Variants in ATAD2B observed in about 807,000 individuals in gnomAD.
The protein encoded by ATAD2B is ATPase family AAA domain-containing protein 2B.
Under a neutral mutation model 167.6 loss-of-function variants are expected in ATAD2B, and 40 were observed. The ratio of observed to expected loss-of-function variants is 0.24; its 90% CI spans 0.19 to 0.31. The LOEUF is 0.31. Among genes scored for constraint, ATAD2B ranks in the 10% least tolerant of loss-of-function variants. ATAD2B has a pLI of 1.00. For synonymous variants in ATAD2B, 579 were observed against 596.5 expected, an observed-to-expected ratio of 0.97 and a Z score of 0.43; for missense variants, 1,242 against 1,757.2, an observed-to-expected ratio of 0.71 and a Z score of 5.24.
At chr2:23,856,969 G>A (rs1293869786) in intron 13 of ATAD2B, among the ~76,000 whole-genome samples, 1 of 152,100 alleles carries the variant, frequency 6.6e-6, no homozygotes, top group East Asian at 1.9e-4. Context: ...GGCACTTTGG[G>A]AGGCTGACTG....
At chr2:23,924,017 A>C (rs4665247) in intron 1 of ATAD2B, among the ~76,000 whole-genome samples, 111,777 of 151,914 alleles carry the variant, frequency 0.74, 41,509 homozygotes, top group East Asian at 0.85. Flanking sequence ...CCCGTCTCTA[A>C]TAAAAATACA....
intron 17 of ATAD2B, among the ~76,000 whole-genome samples, chr2:23,818,691 A>G (rs2149611178): frequency 6.6e-6 from 1 of 152,356 alleles, no homozygotes. Context: ...AAGTACACAC[A>G]ATCCGGCCTC....
rs373444147 is a variant in ATAD2B at position 23,786,109 on chromosome 2, C to T, written c.2891G>A (p.Arg964Gln). ...CTTGGTTACATCCCTGAGAAACAAC[C>T]GCAACTCTCTTAAAGTATTTTCCTC... ...DQEENTLREL[R>Q]LFLRDVTKRL... The change falls in exon 21 of 28, where the codon CGG (arginine) becomes CAG (glutamine). Residue 964 changes from arginine to glutamine, a missense_variant. Arg to Gln is a conservative substitution (Grantham distance 43). Coordinates refer to ENST00000238789, the MANE Select transcript of ATAD2B (RefSeq NM_017552.4). 2 of 1,611,194 alleles carry T rather than the reference C, an allele frequency of 1.2e-6. No homozygotes were observed. The highest frequency in any genetic ancestry group is 1.1e-5 in the South Asian group (1 of 90,480).
chr2:23,891,170 G>A (rs909875848), intron 2 of ATAD2B, among the ~76,000 whole-genome samples: 10 of 151,738 alleles, frequency 6.6e-5, no homozygotes, highest in African/African-American at 2.4e-4. Flanking sequence ...ACAGGCACCC[G>A]CCATCATGCC....
chr2:23,873,132 T>C, intron 8 of ATAD2B: 1 of 371,904 alleles, frequency 2.7e-6, no homozygotes, highest in Non-Finnish European at 5.1e-6. Flanking sequence ...TCTCCTCTAC[T>C]TCTTTCTCCC....
the ATAD2B span, among the ~76,000 whole-genome samples, chr2:23,735,241 T>G: frequency 2.6e-5 from 4 of 152,220 alleles, no homozygotes; most frequent in Non-Finnish European, 4.4e-5. Context: ...ACTGACTTTT[T>G]GACCTCTAAC....
chr2:23,783,527 C>T (rs1350541839), intron 21 of ATAD2B, among the ~76,000 whole-genome samples: 1 of 152,010 alleles, frequency 6.6e-6, no homozygotes, highest in Non-Finnish European at 1.5e-5. Context: ...CCTTTGGAGT[C>T]ATCACAAACA....
intron 1 of ATAD2B, among the ~76,000 whole-genome samples, chr2:23,900,207 C>T (rs754025639): frequency 1.3e-5 from 2 of 152,010 alleles, no homozygotes; most frequent in African/African-American, 4.8e-5. Context: ...TGAGCCACCA[C>T]GCCTGGCCTC....
intron 17 of ATAD2B, among the ~76,000 whole-genome samples, chr2:23,813,331 TATAAA>T (rs1486099525): frequency 6.7e-6 from 1 of 148,166 alleles, no homozygotes; most frequent in African/African-American, 2.5e-5. Flanking sequence ...TATAATATAT[TATAAA>T]ATAATATGAA....
chr2:23,918,490 A>T (rs1703409200), intron 1 of ATAD2B, among the ~76,000 whole-genome samples: 1 of 152,144 alleles, frequency 6.6e-6, no homozygotes, highest in African/African-American at 2.4e-5. Context: ...AATACTGCAA[A>T]AACAATCTCT....
At chr2:23,737,497 G>A in the ATAD2B span, among the ~76,000 whole-genome samples, 2 of 152,170 alleles carry the variant, frequency 1.3e-5, no homozygotes, top group Non-Finnish European at 2.9e-5. Context: ...CTCTCTGTTA[G>A]AAGGAAAACT....
chr2:23,727,786 TATTG>T, the ATAD2B span, among the ~76,000 whole-genome samples: 1 of 152,206 alleles, frequency 6.6e-6, no homozygotes, highest in Non-Finnish European at 1.5e-5. Flanking sequence ...CTTAAATGCA[TATTG>T]TTAAGTGAAT....
intron 10 of ATAD2B, among the ~76,000 whole-genome samples, chr2:23,867,533 T>C (rs1359855449): frequency 1.3e-5 from 2 of 152,154 alleles, no homozygotes; most frequent in Non-Finnish European, 2.9e-5. Context: ...CTACCCAAAA[T>C]ACAAAATCAT....
chr2:23,706,216 G>A, the ATAD2B span, among the ~76,000 whole-genome samples: 1 of 152,038 alleles, frequency 6.6e-6, no homozygotes, highest in Non-Finnish European at 1.5e-5. Flanking sequence ...TCGTCTCCTA[G>A]CCATGGTTAG....
chr2:23,679,038 A>G, the ATAD2B span, among the ~76,000 whole-genome samples: 1 of 128,902 alleles, frequency 7.8e-6, no homozygotes, highest in South Asian at 2.9e-4. Flanking sequence ...AAATGGGTAC[A>G]TTTTACCACA....
chr2:23,902,113 T>C (rs1700915057), intron 1 of ATAD2B, among the ~76,000 whole-genome samples: 1 of 152,210 alleles, frequency 6.6e-6, no homozygotes, highest in Non-Finnish European at 1.5e-5. Flanking sequence ...TGGACTGGAA[T>C]CTCTGGAGGT....
At chr2:23,743,607 A>G in the ATAD2B span, among the ~76,000 whole-genome samples, 1 of 151,394 alleles carries the variant, frequency 6.6e-6, no homozygotes, top group African/African-American at 2.4e-5. Flanking sequence ...GCTGGGGATG[A>G]ACTGAGGAAC....
At chr2:23,858,356 G>T (rs948285757) in intron 12 of ATAD2B, among the ~76,000 whole-genome samples, 1 of 149,760 alleles carries the variant, frequency 6.7e-6, no homozygotes, top group Non-Finnish European at 1.5e-5. Context: ...CCTCACCTCA[G>T]GTAATCCACC....
intron 8 of ATAD2B, among the ~76,000 whole-genome samples, chr2:23,870,674 GTTTT>G (rs1032355219): frequency 2.1e-5 from 3 of 145,856 alleles, no homozygotes; most frequent in Admixed American, 6.9e-5. Flanking sequence ...AAAAAGTTTG[GTTTT>G]TTTTTTTAAT....
Sources: allele counts gnomAD v4.1 joint callset (sites outside exome capture counted in the v4.1 genomes callset), GRCh38; gene constraint gnomAD v4.1.1; transcripts MANE v1.5; gene names NCBI Gene and HGNC (gene_info 2026-07-23, HGNC 2026-07-21).